Variants in AP3B1 observed in about 807,000 individuals in gnomAD.
The protein encoded by AP3B1 is AP-3 complex subunit beta-1.
A neutral mutation model predicts 132.5 loss-of-function variants in AP3B1; 61 were observed. That is an observed-to-expected ratio of 0.46 (90% CI 0.37 to 0.57). The LOEUF (loss-of-function observed/expected upper bound fraction) is 0.57, where lower values mean the gene tolerates loss of function less well. AP3B1 is among the 20% of genes least tolerant of loss of function. The pLI is 0.00. For missense variants in AP3B1, 1,120 were observed against 1,289.4 expected (o/e 0.87, Z 2.01); for synonymous variants, 388 against 438.3 (o/e 0.89, Z 1.43).
rs150331628 is a variant in AP3B1 at position 78,017,562 on chromosome 5, T to G, written c.2993-2014A>C. Among the ~76,000 whole-genome samples, 23 of 152,196 alleles carry G rather than the reference T, an allele frequency of 1.5e-4. No individual in the cohort carries two copies. In the East Asian group the frequency reaches 4.4e-3, roughly 29 times the overall value. ...CAGAAAATAGTAAATGTCTGACCAT[T>G]TAAAGAATTAGCATCTTGCTAGCTA... On this transcript the variant is annotated intron_variant, in intron 25 of 26. Transcript: ENST00000255194.
intron 2 of AP3B1, among the ~76,000 whole-genome samples, chr5:78,244,076 G>A (rs573947267): frequency 1.3e-5 from 2 of 152,276 alleles, no homozygotes; most frequent in Non-Finnish European, 2.9e-5. Flanking sequence ...GATTTATTCT[G>A]AAAATAGATT....
At chr5:78,209,135 A>G (rs1745631059) in intron 7 of AP3B1, among the ~76,000 whole-genome samples, 1 of 152,002 alleles carries the variant, frequency 6.6e-6, no homozygotes, top group Non-Finnish European at 1.5e-5. Flanking sequence ...TTCTTACCCC[A>G]CAACCACCTG....
intron 7 of AP3B1, among the ~76,000 whole-genome samples, chr5:78,193,732 G>GTGTATATATATATATATATATATATCTA (rs1340871803): frequency 4.5e-5 from 4 of 89,252 alleles, no homozygotes; most frequent in South Asian, 6.8e-4. Flanking sequence ...TTAAATATTT[G>GTGTATATATATATATATATATATATCTA]TATATATTTT....
chr5:78,078,135 T>C (rs888933856), intron 22 of AP3B1, among the ~76,000 whole-genome samples: 12 of 152,326 alleles, frequency 7.9e-5, no homozygotes, highest in African/African-American at 2.9e-4. Flanking sequence ...GGATTTTACC[T>C]TCTTACTGGA....
At position 78,148,304 on chromosome 5, in the gene AP3B1, C is replaced by T. The variant is rs73134772; in HGVS notation, c.1474-6985G>A. 2.6e-3 allele frequency among the ~76,000 whole-genome samples: 389 copies of T among 152,204 alleles called. 2 individuals are homozygous for T. The highest frequency in any genetic ancestry group is 8.9e-3 in the African/African-American group (369 of 41,534). On this transcript the variant is annotated intron_variant, in intron 14 of 26. Transcript: ENST00000255194. ...GCACAAGTTTTAACTAAATTTTGCACAAGAAGTCTGGGGAGATACAGAACT... is the reference window on the plus strand; with the variant it reads ...GCACAAGTTTTAACTAAATTTTGCATAAGAAGTCTGGGGAGATACAGAACT...
chr5:78,083,015 C>T lies in AP3B1; in HGVS notation c.2577+6378G>A, dbSNP rs1301433093. 2.6e-5 allele frequency among the ~76,000 whole-genome samples: 4 copies of T among 152,222 alleles called. No homozygotes were observed. The East Asian group carries it at 5.8e-4, about 22-fold the overall frequency. On this transcript the variant is annotated intron_variant, in intron 22 of 26. Transcript: ENST00000255194. ...TATTTTTAGTAGAAACGGGGTTTCACCATGTTAGCCAGGCTGGTCTCGAAC... is the reference window on the plus strand; with the variant it reads ...TATTTTTAGTAGAAACGGGGTTTCATCATGTTAGCCAGGCTGGTCTCGAAC...
chr5:78,015,661 C>G, intron 25 of AP3B1, 113 bp from the exon 26 acceptor site: 1 of 959,840 alleles, frequency 1.0e-6, no homozygotes, highest in Non-Finnish European at 1.6e-6. Flanking sequence ...AGAAACACTA[C>G]TTTAGGATGT....
chr5:78,150,771 AT>A (rs1217896067), intron 14 of AP3B1, among the ~76,000 whole-genome samples: 2 of 151,938 alleles, frequency 1.3e-5, no homozygotes, highest in Admixed American at 1.3e-4. Context: ...TGCTTTATTT[AT>A]TTATTTTTTT....
At chr5:78,288,758 TCA>T (rs1178516310) in intron 1 of AP3B1, among the ~76,000 whole-genome samples, 1 of 152,144 alleles carries the variant, frequency 6.6e-6, no homozygotes, top group Non-Finnish European at 1.5e-5. Flanking sequence ...TTCACACAAA[TCA>T]CAGTCTTTAA....
At chr5:78,147,453 C>A (rs1753452952) in intron 14 of AP3B1, among the ~76,000 whole-genome samples, 1 of 151,914 alleles carries the variant, frequency 6.6e-6, no homozygotes, top group Non-Finnish European at 1.5e-5. Flanking sequence ...AAATTCAGTC[C>A]ATTCATATTC....
intron 1 of AP3B1, among the ~76,000 whole-genome samples, chr5:78,268,562 T>C (rs764308070): frequency 1.3e-5 from 2 of 152,128 alleles, no homozygotes; most frequent in African/African-American, 2.4e-5. Context: ...GAGAGAGAAG[T>C]GAGCAATGAA....
intron 2 of AP3B1, among the ~76,000 whole-genome samples, chr5:78,256,419 A>T (rs970508010): frequency 2.0e-5 from 3 of 152,158 alleles, no homozygotes; most frequent in Non-Finnish European, 4.4e-5. Flanking sequence ...AAAATCTAGA[A>T]GAAATGGACA....
At chr5:78,092,076 C>T (rs1750540054) in intron 21 of AP3B1, among the ~76,000 whole-genome samples, 1 of 152,226 alleles carries the variant, frequency 6.6e-6, no homozygotes, top group Non-Finnish European at 1.5e-5. Context: ...CAACACGTAA[C>T]TTTTCAGGTA....
At chr5:78,152,899 G>C (rs1489492662) in intron 14 of AP3B1, among the ~76,000 whole-genome samples, 2 of 152,110 alleles carry the variant, frequency 1.3e-5, no homozygotes, top group African/African-American at 2.4e-5. Context: ...ACTCTGGTCA[G>C]AGAAGATACT....
chr5:78,282,436 T>C (rs1445219084), intron 1 of AP3B1, among the ~76,000 whole-genome samples: 1 of 152,066 alleles, frequency 6.6e-6, no homozygotes, highest in Non-Finnish European at 1.5e-5. Context: ...ATAATCATTG[T>C]TCCCAAATCC....
At chr5:78,145,498 G>T (rs1580405476) in intron 14 of AP3B1, among the ~76,000 whole-genome samples, 1 of 152,134 alleles carries the variant, frequency 6.6e-6, no homozygotes, top group Non-Finnish European at 1.5e-5. Context: ...TGGATCACTG[G>T]GTAGCGACAA....
chr5:78,121,711 C>A (rs558390277), intron 17 of AP3B1: 1 of 152,204 alleles, frequency 6.6e-6, no homozygotes, highest in African/African-American at 2.4e-5. Context: ...CAGTAGCTTA[C>A]CAACCAAAAA....
chr5:78,159,778 C>T (rs1743312649), intron 13 of AP3B1, among the ~76,000 whole-genome samples: 2 of 152,078 alleles, frequency 1.3e-5, no homozygotes, highest in Admixed American at 1.3e-4. Flanking sequence ...CTTCTCATTC[C>T]CCTCAGGTAA....
rs575759173 is a variant in AP3B1 at position 78,267,358 on chromosome 5, T to C, written c.204+162A>G. Among the ~76,000 whole-genome samples, 7 of 152,044 alleles carry C rather than the reference T, an allele frequency of 4.6e-5. No individual in the cohort carries two copies. In the South Asian group the frequency reaches 1.4e-3, roughly 31 times the overall value. ...CTTGATTTTTGACACTTCAATAATG[T>C]ACTTTTTTCTTTAACATTTTTGGAC... On this transcript the variant is annotated intron_variant, in intron 2 of 26. Coordinates refer to ENST00000255194, the MANE Select transcript of AP3B1 (RefSeq NM_003664.5).
Sources: allele counts gnomAD v4.1 joint callset (sites outside exome capture counted in the v4.1 genomes callset), GRCh38; gene constraint gnomAD v4.1.1; transcripts MANE v1.5; gene names NCBI Gene and HGNC (gene_info 2026-07-23, HGNC 2026-07-21).